GLIS3: variants seen among roughly 807,000 people sequenced by gnomAD.
The protein encoded by GLIS3 is GLIS family zinc finger 3, also known as zinc finger protein GLIS3.
GLIS3 carries 53 observed loss-of-function variants against 78.6 expected under a neutral mutation model. That is an observed-to-expected ratio of 0.67 (90% confidence interval 0.54 to 0.85). The LOEUF is 0.85. Ranked by LOEUF, GLIS3 falls within the 40% of genes least tolerant of loss-of-function variation. The pLI, the probability that GLIS3 is intolerant of heterozygous loss-of-function variation, is 0.00. For synonymous variants in GLIS3, 684 were observed against 509.9 expected (o/e 1.34, Z -4.60); for missense variants, 1,703 against 1,231.1 (o/e 1.38, Z -5.74).
In GLIS3 at chr9:4,246,475, T is replaced by A. The variant is rs181852110; in HGVS notation, c.388+39563A>T. Among the ~76,000 whole-genome samples, 1,335 of 152,358 alleles carry A rather than the reference T, an allele frequency of 8.8e-3. 10 individuals carry two copies. Among genetic ancestry groups the A allele is most frequent in the Non-Finnish European group, 0.011 (750 of 68,032 alleles). On this transcript the variant is annotated intron_variant, in intron 2 of 10. Transcript: ENST00000381971. ...CTCAAGAGGTATGGTCTTATACGGCTACCATTTCCATGCATTTTCCCTAAG... is the reference window on the plus strand; with the variant it reads ...CTCAAGAGGTATGGTCTTATACGGCAACCATTTCCATGCATTTTCCCTAAG...
At chr9:4,414,812 G>A in the GLIS3 span, among the ~76,000 whole-genome samples, 18 of 151,520 alleles carry the variant, frequency 1.2e-4, no homozygotes, top group South Asian at 2.1e-4. Flanking sequence ...ATCTTCCACC[G>A]TATTCCAGAT....
chr9:4,300,128 G>A (rs1816999231), upstream of GLIS3, among the ~76,000 whole-genome samples: 3 of 151,786 alleles, frequency 2.0e-5, no homozygotes, highest in Non-Finnish European at 2.9e-5. Flanking sequence ...CGGAGGGGGA[G>A]GGGGAAGAGT....
At chr9:4,282,748 T>C (rs1385388003) in intron 2 of GLIS3, among the ~76,000 whole-genome samples, 2 of 145,020 alleles carry the variant, frequency 1.4e-5, no homozygotes, top group African/African-American at 4.9e-5. Flanking sequence ...TCTTTATATA[T>C]ATACACACAC....
At chr9:4,395,733 G>A in the GLIS3 span, among the ~76,000 whole-genome samples, 2 of 151,382 alleles carry the variant, frequency 1.3e-5, no homozygotes, top group South Asian at 2.1e-4. Flanking sequence ...CGTTTACTAC[G>A]GACACTGAGA....
At chr9:4,008,827 AC>A (rs1173720637) in intron 4 of GLIS3, among the ~76,000 whole-genome samples, 1 of 152,036 alleles carries the variant, frequency 6.6e-6, no homozygotes, top group East Asian at 1.9e-4. Flanking sequence ...TCCAACATCC[AC>A]CTTTTATAGG....
At chr9:4,469,849 G>A in the GLIS3 span, among the ~76,000 whole-genome samples, 1 of 152,184 alleles carries the variant, frequency 6.6e-6, no homozygotes, top group Admixed American at 6.5e-5. Context: ...TCTAGGAGCT[G>A]TTTTTTTGAG....
intron 2 of GLIS3, among the ~76,000 whole-genome samples, chr9:4,253,155 G>A (rs1018076726): frequency 5.3e-5 from 8 of 152,234 alleles, no homozygotes; most frequent in East Asian, 1.9e-4. Context: ...TGGGAGATCC[G>A]CTGCTCTCTT....
At chr9:4,459,767 C>A in the GLIS3 span, among the ~76,000 whole-genome samples, 2 of 152,100 alleles carry the variant, frequency 1.3e-5, no homozygotes, top group Non-Finnish European at 2.9e-5. Context: ...CATGTTCACA[C>A]CACTGCACTC....
rs1218556322 is a variant in GLIS3 at position 3,825,685 on chromosome 9, C to T, written c.*2587G>A. 1 of 152,064 alleles carries T rather than the reference C, an allele frequency of 6.6e-6. No individual in the cohort carries two copies. The highest frequency in any genetic ancestry group is 1.9e-4 in the East Asian group (1 of 5,190). 9.4% of individuals were successfully genotyped at this position (152,064 alleles called of 1,614,324 possible). ...CTGCAGTGTGAAAGTAAGCAAGGGA[C>T]AAATTTTAAGGTCAGGAAAGACTCT... On this transcript the variant is annotated 3_prime_UTR_variant, in exon 11 of 11. Coordinates refer to ENST00000381971, the MANE Select transcript of GLIS3 (RefSeq NM_001042413.2).
intron 6 of GLIS3, among the ~76,000 whole-genome samples, chr9:3,931,106 A>C (rs1563862863): frequency 6.6e-6 from 1 of 152,196 alleles, no homozygotes; most frequent in Non-Finnish European, 1.5e-5. Context: ...AAAGAAATTT[A>C]ACTACATTTC....
intron 2 of GLIS3, among the ~76,000 whole-genome samples, chr9:4,169,381 G>C (rs759702876): frequency 3.3e-5 from 5 of 152,182 alleles, no homozygotes; most frequent in African/African-American, 7.2e-5. Context: ...TCAGAGGTGA[G>C]GTCTACAGAT....
the GLIS3 span, among the ~76,000 whole-genome samples, chr9:4,383,413 T>C: frequency 6.6e-6 from 1 of 152,242 alleles, no homozygotes; most frequent in African/African-American, 2.4e-5. Context: ...GATTCATGGA[T>C]AAGCAAACTA....
At chr9:4,048,698 G>A (rs1045898020) in intron 4 of GLIS3, among the ~76,000 whole-genome samples, 2 of 152,078 alleles carry the variant, frequency 1.3e-5, no homozygotes, top group African/African-American at 2.4e-5. Context: ...CCTCTCTGTG[G>A]GGCTCAGATG....
At chr9:3,966,435 C>CTT (rs764863612) in intron 4 of GLIS3, among the ~76,000 whole-genome samples, 1 of 150,836 alleles carries the variant, frequency 6.6e-6, no homozygotes, top group African/African-American at 2.4e-5. Context: ...TGATGCAAAG[C>CTT]CTTTTTTTTT....
intron 4 of GLIS3, among the ~76,000 whole-genome samples, chr9:3,993,733 G>C (rs964622814): frequency 6.6e-6 from 1 of 152,100 alleles, no homozygotes; most frequent in Non-Finnish European, 1.5e-5. Context: ...GTTGATGATT[G>C]CATGATTTTA....
At chr9:4,044,295 A>G (rs12338170) in intron 4 of GLIS3, among the ~76,000 whole-genome samples, 2,790 of 152,318 alleles carry the variant, frequency 0.018, 84 homozygotes, top group African/African-American at 0.061. Flanking sequence ...GACATAAAGC[A>G]TTTATGCATA....
chr9:3,871,578 C>G lies in GLIS3; in HGVS notation c.2297+7849G>C, dbSNP rs78841419. Among the ~76,000 whole-genome samples, 69 of 152,360 alleles carry G rather than the reference C, an allele frequency of 4.5e-4. 1 individual carries two copies. The East Asian group carries it at 0.013, about 28-fold the overall frequency. ...CCGCAGGCTCAACACCACATGGAAG[C>G]TGCCAAGGCTTAGGGCTTGCACCAT... is the stretch of plus-strand genomic sequence containing the variant. On this transcript the variant is annotated intron_variant, in intron 8 of 10. Transcript: ENST00000381971.
intron 2 of GLIS3, among the ~76,000 whole-genome samples, chr9:4,326,871 G>A (rs911065740): frequency 5.3e-5 from 8 of 152,160 alleles, no homozygotes; most frequent in African/African-American, 1.7e-4. Context: ...GAGCATCTTG[G>A]CTGTGGGTGC....
At chr9:4,184,968 G>C (rs10974377) in intron 2 of GLIS3, among the ~76,000 whole-genome samples, 42,446 of 152,086 alleles carry the variant, frequency 0.28, 7,130 homozygotes, top group South Asian at 0.53. Context: ...CAAATTTATT[G>C]AGGTACATTT....
Sources: allele counts gnomAD v4.1 joint callset (sites outside exome capture counted in the v4.1 genomes callset), GRCh38; gene constraint gnomAD v4.1.1; transcripts MANE v1.5; gene names NCBI Gene and HGNC (gene_info 2026-07-23, HGNC 2026-07-21).